The following MACROD2 variants were observed in gnomAD, a reference collection of about 807,000 sequenced individuals.
The protein encoded by MACROD2 is mono-ADP ribosylhydrolase 2.
Under a neutral mutation model 70.4 loss-of-function variants are expected in MACROD2, and 36 were observed. That is an observed-to-expected ratio of 0.51 (90% CI 0.39 to 0.68). The LOEUF (loss-of-function observed/expected upper bound fraction) is 0.68. MACROD2 is among the 30% of genes least tolerant of loss of function. MACROD2 has a pLI of 0.00. For synonymous variants in MACROD2, 172 were observed against 178.8 expected (o/e 0.96, Z 0.30); for missense variants, 496 against 538.4 (o/e 0.92, Z 0.78).
intron 5 of MACROD2, among the ~76,000 whole-genome samples, chr20:14,778,979 T>C (rs572772564): frequency 6.6e-6 from 1 of 152,114 alleles, no homozygotes; most frequent in Admixed American, 6.5e-5. Context: ...TTTGCTTTTT[T>C]AAAAAAGTTA....
chr20:14,357,976 A>G (rs2083188681), intron 3 of MACROD2, among the ~76,000 whole-genome samples: 1 of 152,236 alleles, frequency 6.6e-6, no homozygotes, highest in Admixed American at 6.5e-5. Context: ...ATTCTGAAAG[A>G]TGCCAAGGCC....
At chr20:14,583,652 T>C (rs1196256759) in intron 4 of MACROD2, among the ~76,000 whole-genome samples, 2 of 152,188 alleles carry the variant, frequency 1.3e-5, no homozygotes, top group Non-Finnish European at 2.9e-5. Context: ...CTTACTCATC[T>C]ATGAAACAGG....
intron 8 of MACROD2, among the ~76,000 whole-genome samples, chr20:15,698,866 A>G (rs1415172000): frequency 2.0e-5 from 3 of 152,072 alleles, no homozygotes; most frequent in Admixed American, 1.3e-4. Context: ...GTTCAATTCT[A>G]TTGCTGAGAC....
chr20:14,034,201 C>T (rs2053280556), intron 2 of MACROD2, among the ~76,000 whole-genome samples: 1 of 152,128 alleles, frequency 6.6e-6, no homozygotes. Flanking sequence ...GCTACGATCT[C>T]CTGACCTTGT....
intron 6 of MACROD2, among the ~76,000 whole-genome samples, chr20:15,394,050 C>T (rs1013690711): frequency 6.6e-6 from 1 of 152,160 alleles, no homozygotes; most frequent in Admixed American, 6.5e-5. Flanking sequence ...GGATGGCTTT[C>T]TGGCCAGAGG....
intron 6 of MACROD2, among the ~76,000 whole-genome samples, chr20:15,277,125 G>T (rs1380767594): frequency 6.6e-6 from 1 of 152,172 alleles, no homozygotes; most frequent in Non-Finnish European, 1.5e-5. Flanking sequence ...CAACCAGTTA[G>T]ATTTGCCCCT....
chr20:13,999,214 T>C (rs1460771279), intron 1 of MACROD2, among the ~76,000 whole-genome samples: 1 of 152,200 alleles, frequency 6.6e-6, no homozygotes, highest in African/African-American at 2.4e-5. Context: ...TTCAGGTTCC[T>C]CTCCATTGCC....
chr20:14,623,375 A>G (rs985109732), intron 4 of MACROD2, among the ~76,000 whole-genome samples: 27 of 152,130 alleles, frequency 1.8e-4, no homozygotes, highest in African/African-American at 6.5e-4. Context: ...TTGGAACAGA[A>G]AGTTGAATAA....
chr20:15,522,215 C>T (rs998004446), intron 8 of MACROD2, among the ~76,000 whole-genome samples: 1 of 152,178 alleles, frequency 6.6e-6, no homozygotes, highest in African/African-American at 2.4e-5. Flanking sequence ...CCCCAGGAGC[C>T]TCCTTCACCT....
intron 5 of MACROD2, among the ~76,000 whole-genome samples, chr20:15,056,929 C>A (rs995861312): frequency 6.6e-6 from 1 of 152,050 alleles, no homozygotes; most frequent in South Asian, 2.1e-4. Flanking sequence ...TTAATAGAAG[C>A]CAAAATAAAT....
At chr20:15,904,099 A>C (rs938054352) in intron 10 of MACROD2, among the ~76,000 whole-genome samples, 2 of 152,210 alleles carry the variant, frequency 1.3e-5, no homozygotes, top group African/African-American at 2.4e-5. Flanking sequence ...CTTCTTGTCC[A>C]TCATGTCTTC....
At chr20:15,792,934 T>C (rs1472308245) in intron 8 of MACROD2, among the ~76,000 whole-genome samples, 1 of 152,168 alleles carries the variant, frequency 6.6e-6, no homozygotes, top group East Asian at 1.9e-4. Context: ...GGCTGAACCA[T>C]TAAGGTATAT....
intron 7 of MACROD2, among the ~76,000 whole-genome samples, chr20:15,494,913 G>T (rs1190386904): frequency 6.6e-6 from 1 of 152,158 alleles, no homozygotes; most frequent in African/African-American, 2.4e-5. Flanking sequence ...CTATGCTAAT[G>T]AGTAGAAAAC....
chr20:14,149,164 G>T (rs951062056), intron 3 of MACROD2, among the ~76,000 whole-genome samples: 1 of 148,440 alleles, frequency 6.7e-6, no homozygotes, highest in Non-Finnish European at 1.5e-5. Flanking sequence ...GTCTATTGCT[G>T]CCATCTTTAT....
intron 8 of MACROD2, among the ~76,000 whole-genome samples, chr20:15,661,340 T>A (rs1462880489): frequency 6.6e-6 from 1 of 152,168 alleles, no homozygotes; most frequent in Non-Finnish European, 1.5e-5. Flanking sequence ...GCTCAGCCTC[T>A]GATGAAGGCT....
At chr20:15,924,270 A>G (rs2065455975) in intron 10 of MACROD2, among the ~76,000 whole-genome samples, 1 of 152,220 alleles carries the variant, frequency 6.6e-6, no homozygotes. Flanking sequence ...CCTCAGATAT[A>G]TGTGTATTGA....
chr20:14,403,422 G>A (rs1295280235), intron 3 of MACROD2, among the ~76,000 whole-genome samples: 15 of 152,090 alleles, frequency 9.9e-5, no homozygotes, highest in Non-Finnish European at 1.6e-4. Context: ...AAAATCAAGG[G>A]ATGGTATTTT....
chr20:14,862,717 T>A (rs182664041), intron 5 of MACROD2, among the ~76,000 whole-genome samples: 2,048 of 71,840 alleles, frequency 0.029, 310 homozygotes, highest in Middle Eastern at 0.12. Flanking sequence ...ATATATATAT[T>A]TTTTTTTAAT....
At chr20:15,489,065 A>T (rs1325022988) in intron 7 of MACROD2, among the ~76,000 whole-genome samples, 2 of 152,232 alleles carry the variant, frequency 1.3e-5, no homozygotes, top group African/African-American at 4.8e-5. Flanking sequence ...CAGTTCATTT[A>T]TACCTGTTTT....
Sources: gnomAD v4.1 joint callset for allele counts (sites outside exome capture counted in the v4.1 genomes callset) on GRCh38, gnomAD v4.1.1 for gene constraint, MANE v1.5 for transcripts, NCBI Gene and HGNC (gene_info 2026-07-23, HGNC 2026-07-21) for gene names.